ZMYM6: variants seen among roughly 807,000 people sequenced by gnomAD.
ZMYM6 encodes zinc finger MYM-type containing 6.
Under a neutral mutation model 134.0 loss-of-function variants are expected in ZMYM6, and 90 were observed. The observed-to-expected ratio is 0.67, with a 90% confidence interval of 0.57 to 0.80. The LOEUF is 0.80. Ranked by LOEUF, ZMYM6 falls within the 30% of genes least tolerant of loss-of-function variation. The pLI is 0.00. For missense variants in ZMYM6, 1,362 were observed against 1,533.9 expected, an observed-to-expected ratio of 0.89 and a Z score of 1.87; for synonymous variants, 481 against 524.1, an observed-to-expected ratio of 0.92 and a Z score of 1.12.
intron 14 of ZMYM6, among the ~76,000 whole-genome samples, chr1:35,001,211 A>C (rs1480022890): frequency 6.6e-6 from 1 of 151,038 alleles, no homozygotes; most frequent in Non-Finnish European, 1.5e-5. Flanking sequence ...AAGTAACTTG[A>C]GGGAGATTCA....
At position 35,012,578 on chromosome 1, in the gene ZMYM6, A is replaced by T. The variant is rs1475447046; in HGVS notation, c.799T>A (p.Ser267Thr). 6.2e-7 allele frequency: 1 copy of T among 1,613,188 alleles called. No homozygotes were observed. The highest frequency in any genetic ancestry group is 8.5e-7 in the Non-Finnish European group (1 of 1,179,698). The change falls in exon 7 of 16, where the codon TCT becomes ACT. Residue 267 changes from serine (S) to threonine (T), a missense_variant. Physicochemically the swap from Ser to Thr is moderately conservative, Grantham distance 58 (BLOSUM62 1). Coordinates refer to ENST00000357182, the MANE Select transcript of ZMYM6 (RefSeq NM_007167.4). ...AGGGCATATGGAGGAATTTGGGCAGAATTCTATTAAAATAAAATAACATTA... is the reference window on the plus strand; with the variant it reads ...AGGGCATATGGAGGAATTTGGGCAGTATTCTATTAAAATAAAATAACATTA... Reference protein sequence around the residue: ...STSVTAYKQNSAQIPPYALGK... With the variant: ...STSVTAYKQNTAQIPPYALGK...
chr1:34,987,962 T>C lies in ZMYM6; in HGVS notation c.3120A>G (p.Ile1040Met), dbSNP rs374930777. Residue 1040 changes from isoleucine (I) to methionine (M), a missense_variant, in exon 16 of 16, where the codon ATA (isoleucine) becomes ATG (methionine). Physicochemically the swap from Ile to Met is conservative, Grantham distance 10. Around this residue, in one of 3 missense-constraint regions of ZMYM6, gnomAD observed 824 missense variants for 940.9 expected, o/e 0.88. Coordinates refer to ENST00000357182, the MANE Select transcript of ZMYM6 (RefSeq NM_007167.4). Reference protein sequence around the residue: ...LLQSAQILSFIKSNALNSRML... With the variant: ...LLQSAQILSFMKSNALNSRML... ...TACGTGAATTTAATGCATTGCTCTTTATAAAACTTAAAATTTGTGCTGACT... is the reference window on the plus strand; with the variant it reads ...TACGTGAATTTAATGCATTGCTCTTCATAAAACTTAAAATTTGTGCTGACT... 1.7e-5 allele frequency: 27 copies of C among 1,551,500 alleles called. No homozygotes were observed. Among genetic ancestry groups the C allele is most frequent in the Non-Finnish European group, 2.3e-5 (26 of 1,146,972 alleles).
chr1:35,003,775 A>G (rs1041465771), intron 14 of ZMYM6, 193 bp downstream of exon 14: 7 of 539,274 alleles, frequency 1.3e-5, no homozygotes, highest in Non-Finnish European at 2.0e-5. Flanking sequence ...CTTCAAAAAC[A>G]GTAATTGCTG....
At chr1:35,004,729 T>C (rs924089236) in intron 13 of ZMYM6, among the ~76,000 whole-genome samples, 1 of 151,964 alleles carries the variant, frequency 6.6e-6, no homozygotes, top group Non-Finnish European at 1.5e-5. Context: ...AGGGGGTGCA[T>C]GTTCCCCTAC....
At chr1:34,993,593 T>C (rs895902499) in intron 14 of ZMYM6, among the ~76,000 whole-genome samples, 1 of 152,200 alleles carries the variant, frequency 6.6e-6, no homozygotes, top group Non-Finnish European at 1.5e-5. Context: ...TGCCATGTAA[T>C]GTAACATATT....
chr1:35,011,109 A>G lies in ZMYM6; in HGVS notation c.1063-73T>C, dbSNP rs1641076730. 3 of 1,449,492 alleles carry G rather than the reference A, an allele frequency of 2.1e-6. No individual in the cohort carries two copies. The African/African-American group carries it at 4.3e-5, about 21-fold the overall frequency. The allele number at this position is 1,449,492 out of a possible 1,614,324, so 89.8% of individuals were successfully genotyped here. Reference sequence around the variant, plus strand: ...ATAACTTTGTACTTTTCATTTCCTCATTTTAATAAATCAAGTCTCCCACAA... The same window carrying G: ...ATAACTTTGTACTTTTCATTTCCTCGTTTTAATAAATCAAGTCTCCCACAA... On this transcript the variant is annotated intron_variant, in intron 8 of 15. Coordinates refer to ENST00000357182, the MANE Select transcript of ZMYM6 (RefSeq NM_007167.4).
chr1:35,015,743 A>AAAAAAAAATATATATAT, intron 4 of ZMYM6, among the ~76,000 whole-genome samples: 7 of 106,468 alleles, frequency 6.6e-5, no homozygotes, highest in African/African-American at 4.6e-4. Flanking sequence ...AAAAAAAAAA[A>AAAAAAAAATATATATAT]ATATATATAT....
rs1161200807 is a variant in ZMYM6 at position 34,987,556 on chromosome 1, A to G, written c.3526T>C (p.Ser1176Pro). The change falls in exon 16 of 16, where the codon TCA (serine) becomes CCA (proline). Residue 1176 changes from serine (S) to proline (P), a missense_variant. Ser to Pro is a moderately conservative substitution (Grantham distance 74). Around this residue, in one of 3 missense-constraint regions of ZMYM6, gnomAD observed 824 missense variants for 940.9 expected, o/e 0.88. Transcript: ENST00000357182. ...FPSFSEFSNS[S>P]GLNMTDITRI... ...GTGATGTCTGTCATATTTAAGCCTG[A>G]TGAATTTGAGAATTCAGAAAATGAA... The G allele has an allele frequency of 6.2e-7, 1 of 1,613,860 alleles. No individual in the cohort carries two copies. Among genetic ancestry groups the G allele is most frequent in the Non-Finnish European group, 8.5e-7 (1 of 1,179,970 alleles).
rs758872980 is a variant in ZMYM6, at chr1:35,008,720, GAAAGCCAAAA to G, written c.1665+22_1665+31del. 52 of 1,586,742 alleles carry G rather than the reference GAAAGCCAAAA, an allele frequency of 3.3e-5. No homozygotes were observed. In the African/African-American group the frequency reaches 6.0e-4, roughly 18 times the overall value. ...ATAAAAACAATTTGCACTGATTTCAGAAAGCCAAAAAAAGTATATTATCACATTTACCTGA... is the reference window on the plus strand; with the variant it reads ...ATAAAAACAATTTGCACTGATTTCAGAAAGTATATTATCACATTTACCTGA... On this transcript the variant is annotated intron_variant, in intron 11 of 15. Coordinates refer to ENST00000357182, the MANE Select transcript of ZMYM6 (RefSeq NM_007167.4).
intron 6 of ZMYM6, chr1:35,013,344 C>T (rs1641123092): frequency 3.1e-6 from 3 of 975,594 alleles, no homozygotes; most frequent in South Asian, 9.5e-5. Flanking sequence ...CTACACTATG[C>T]TGTCAGTGAT....
In ZMYM6 at chr1:34,988,234, T is replaced by G. The variant is rs1392424265; in HGVS notation, c.2848A>C (p.Thr950Pro). The stretch of plus-strand genomic sequence containing the variant: ...AATATTTCAAAGCCAGTTATTTGAG[T>G]AGGCATTTCAATGCAAAATAATAAT... ...EELLFCIEMPTQITGFEIFEL... is the reference protein window; with the variant it reads ...EELLFCIEMPPQITGFEIFEL... The change falls in exon 16 of 16, where the codon ACT becomes CCT. Residue 950 changes from threonine to proline, a missense_variant. Around this residue, in one of 3 missense-constraint regions of ZMYM6, gnomAD observed 824 missense variants for 940.9 expected, o/e 0.88. Coordinates refer to ENST00000357182, the MANE Select transcript of ZMYM6 (RefSeq NM_007167.4). 1 of 1,549,546 alleles carries G rather than the reference T, an allele frequency of 6.5e-7. No homozygotes were observed. Among genetic ancestry groups the G allele is most frequent in the South Asian group, 1.2e-5 (1 of 83,506 alleles).
chr1:35,028,494 ATTGATT>A (rs1641456268), intron 2 of ZMYM6, among the ~76,000 whole-genome samples: 1 of 151,748 alleles, frequency 6.6e-6, no homozygotes, highest in South Asian at 2.1e-4. Context: ...CATCTCTCCC[ATTGATT>A]TTATTTTATT....
intron 8 of ZMYM6, among the ~76,000 whole-genome samples, chr1:35,011,644 A>C (rs1313514352): frequency 6.6e-6 from 1 of 152,186 alleles, no homozygotes; most frequent in East Asian, 1.9e-4. Context: ...GAGAGACCCA[A>C]GGGAGAAAGT....
chr1:34,999,555 G>A (rs571855395), intron 14 of ZMYM6, among the ~76,000 whole-genome samples: 1 of 152,032 alleles, frequency 6.6e-6, no homozygotes, highest in Non-Finnish European at 1.5e-5. Flanking sequence ...ATTACAGAGA[G>A]ACCACCTAAA....
intron 11 of ZMYM6, 113 bp from the exon 12 acceptor site, chr1:35,007,211 A>T: frequency 9.7e-7 from 1 of 1,032,430 alleles, no homozygotes; most frequent in Non-Finnish European, 1.3e-6. Context: ...AGTTGAGACT[A>T]CAAAATGTAA....
At chr1:35,016,712 C>G (rs144407310) in intron 4 of ZMYM6, among the ~76,000 whole-genome samples, 1 of 152,156 alleles carries the variant, frequency 6.6e-6, no homozygotes, top group Non-Finnish European at 1.5e-5. Flanking sequence ...GGCTCACCCC[C>G]ATAATCCTAG....
chr1:34,991,723 TC>T (rs1640677247), intron 15 of ZMYM6, among the ~76,000 whole-genome samples: 1 of 151,870 alleles, frequency 6.6e-6, no homozygotes, highest in Admixed American at 6.6e-5. Context: ...GGAGCCAAGA[TC>T]ACGCTATTGC....
chr1:35,010,085 C>T (rs1388386661), intron 10 of ZMYM6, among the ~76,000 whole-genome samples: 1 of 152,142 alleles, frequency 6.6e-6, no homozygotes, highest in African/African-American at 2.4e-5. Flanking sequence ...TCTCAGCTCA[C>T]TGCAACCTCT....
chr1:35,020,793 G>A (rs961082986), intron 2 of ZMYM6, among the ~76,000 whole-genome samples: 3 of 151,802 alleles, frequency 2.0e-5, no homozygotes, highest in South Asian at 4.2e-4. Flanking sequence ...GGCTGGTCTC[G>A]AACTCCTGAC....
Sources: allele counts gnomAD v4.1 joint callset (sites outside exome capture counted in the v4.1 genomes callset), GRCh38; gene constraint gnomAD v4.1.1; regional missense constraint gnomAD v4.1.1; transcripts MANE v1.5; gene names NCBI Gene and HGNC (gene_info 2026-07-23, HGNC 2026-07-21).